ANKS1B: variants seen among roughly 807,000 people sequenced by gnomAD.
ANKS1B encodes ankyrin repeat and sterile alpha motif domain-containing protein 1B.
A neutral mutation model predicts 148.3 loss-of-function variants in ANKS1B; 36 were observed. The ratio of observed to expected loss-of-function variants is 0.24; its 90% CI spans 0.19 to 0.32. ANKS1B has a LOEUF of 0.32. Among genes scored for constraint, ANKS1B ranks in the 10% least tolerant of loss-of-function variants. ANKS1B has a pLI of 1.00. For synonymous variants in ANKS1B, 542 were observed against 560.8 expected (o/e 0.97, Z 0.47); for missense variants, 1,157 against 1,542.6 (o/e 0.75, Z 4.19).
At chr12:99,248,793 T>C (rs1360238402) in intron 12 of ANKS1B, among the ~76,000 whole-genome samples, 1 of 152,182 alleles carries the variant, frequency 6.6e-6, no homozygotes, top group Non-Finnish European at 1.5e-5. Flanking sequence ...TGACATCCAT[T>C]GGCCTTGCAA....
chr12:99,702,413 T>C (rs1355233303), intron 8 of ANKS1B, among the ~76,000 whole-genome samples: 4 of 152,130 alleles, frequency 2.6e-5, no homozygotes, highest in Admixed American at 2.6e-4. Flanking sequence ...GTTGAGTTGT[T>C]TGAGTTCCTT....
chr12:99,271,036 G>T (rs1242847549), intron 12 of ANKS1B, among the ~76,000 whole-genome samples: 1 of 152,178 alleles, frequency 6.6e-6, no homozygotes, highest in African/African-American at 2.4e-5. Flanking sequence ...CTAATCTAAA[G>T]GATAAAGCCC....
At chr12:99,241,067 T>C (rs1471830794) in intron 14 of ANKS1B, among the ~76,000 whole-genome samples, 1 of 151,060 alleles carries the variant, frequency 6.6e-6, no homozygotes, top group Non-Finnish European at 1.5e-5. Flanking sequence ...TTGAAGGAGA[T>C]AGAGACACAA....
intron 9 of ANKS1B, among the ~76,000 whole-genome samples, chr12:99,634,630 A>T (rs549455960): frequency 6.6e-6 from 1 of 152,320 alleles, no homozygotes. Flanking sequence ...CTATTCTTCC[A>T]ATCAAAATCT....
intron 17 of ANKS1B, among the ~76,000 whole-genome samples, chr12:98,932,680 C>T (rs1229601869): frequency 6.6e-6 from 1 of 152,130 alleles, no homozygotes; most frequent in African/African-American, 2.4e-5. Context: ...TTATTACATA[C>T]TTGTTCCTGT....
intron 9 of ANKS1B, among the ~76,000 whole-genome samples, chr12:99,644,431 T>C (rs1023621355): frequency 3.3e-5 from 5 of 152,242 alleles, no homozygotes; most frequent in African/African-American, 1.2e-4. Flanking sequence ...ATAAACATTA[T>C]GTTTATGACA....
In ANKS1B at chr12:99,877,574, T is replaced by C. The variant is rs12579008; in HGVS notation, c.135-52185A>G. On this transcript the variant is annotated intron_variant, in intron 1 of 26. Coordinates refer to ENST00000683438, the MANE Select transcript of ANKS1B (RefSeq NM_001352186.2). Reference sequence around the variant, plus strand: ...TGCATGAGAGGTAAATTTATTTTCATACATTTGTCAGTCATCCTTGACTGA... The same window carrying C: ...TGCATGAGAGGTAAATTTATTTTCACACATTTGTCAGTCATCCTTGACTGA... Among the ~76,000 whole-genome samples, 258 of 152,374 alleles carry C rather than the reference T, an allele frequency of 1.7e-3. 9 individuals carry two copies. The East Asian group carries it at 0.042, about 25-fold the overall frequency.
At chr12:99,702,480 A>G (rs1015131182) in intron 8 of ANKS1B, among the ~76,000 whole-genome samples, 2 of 152,026 alleles carry the variant, frequency 1.3e-5, no homozygotes, top group African/African-American at 4.8e-5. Flanking sequence ...ATTGTCTCCC[A>G]TTCTGTGGGT....
intron 21 of ANKS1B, among the ~76,000 whole-genome samples, chr12:98,800,217 G>GAAAAAAAAA (rs770133422): frequency 2.3e-4 from 9 of 39,170 alleles, no homozygotes; most frequent in Non-Finnish European, 2.9e-4. Context: ...AGCAGAAAAT[G>GAAAAAAAAA]AAAAAAAAAA....
intron 10 of ANKS1B, 32 bp downstream of exon 10, chr12:99,504,444 G>A: frequency 6.3e-7 from 1 of 1,594,232 alleles, no homozygotes. Flanking sequence ...CAAGTAAATT[G>A]AATCAGGCCA....
intron 17 of ANKS1B, among the ~76,000 whole-genome samples, chr12:98,834,429 T>C (rs1194731292): frequency 6.6e-6 from 1 of 152,222 alleles, no homozygotes; most frequent in Non-Finnish European, 1.5e-5. Flanking sequence ...TTAGCTGCAG[T>C]AGGAATAACC....
chr12:99,496,718 T>C (rs2096607797), intron 10 of ANKS1B, among the ~76,000 whole-genome samples: 1 of 142,534 alleles, frequency 7.0e-6, no homozygotes, highest in South Asian at 2.2e-4. Flanking sequence ...CTAGTACATC[T>C]GATAATTTTT....
At chr12:99,380,809 T>C (rs977561046) in intron 12 of ANKS1B, among the ~76,000 whole-genome samples, 1 of 133,358 alleles carries the variant, frequency 7.5e-6, no homozygotes, top group African/African-American at 3.1e-5. Flanking sequence ...TCCTTTCTCA[T>C]GCTCCACAAC....
intron 1 of ANKS1B, among the ~76,000 whole-genome samples, chr12:99,959,589 T>G (rs1474443445): frequency 6.6e-6 from 1 of 152,210 alleles, no homozygotes; most frequent in East Asian, 1.9e-4. Flanking sequence ...ATTACTTTGC[T>G]TAAGCAGTCT....
rs144940896 is a variant in ANKS1B, at chr12:98,943,642, C to A, written c.2778+109515G>T. ...CTCTCTGGTTCCCTCTTTTCATTCC[C>A]CCTTCCACTTTCAAAGACCTTTGTG... is the stretch of plus-strand genomic sequence containing the variant. On this transcript the variant is annotated intron_variant, in intron 17 of 26. Coordinates refer to ENST00000683438, the MANE Select transcript of ANKS1B (RefSeq NM_001352186.2). 3.9e-3 allele frequency among the ~76,000 whole-genome samples: 596 copies of A among 152,262 alleles called. 3 individuals carry two copies. Among genetic ancestry groups the A allele is most frequent in the African/African-American group, 0.014 (561 of 41,536 alleles).
intron 1 of ANKS1B, among the ~76,000 whole-genome samples, chr12:99,852,680 C>T (rs1032139643): frequency 2.6e-5 from 4 of 152,168 alleles, no homozygotes; most frequent in Admixed American, 6.5e-5. Context: ...CCAAGAACTA[C>T]CATAGGAACA....
intron 16 of ANKS1B, among the ~76,000 whole-genome samples, chr12:99,078,195 A>G (rs2048467798): frequency 6.6e-6 from 1 of 152,190 alleles, no homozygotes; most frequent in African/African-American, 2.4e-5. Context: ...CCTAAAATTA[A>G]ATGACCACTT....
Position 99,569,887 on chromosome 12 carries a change from C to A in ANKS1B, c.1273-65246G>T, listed in dbSNP as rs11836519. Among the ~76,000 whole-genome samples the A allele has an allele frequency of 8.7e-3, 1,315 of 151,118 alleles. 25 individuals carry two copies. The highest frequency in any genetic ancestry group is 0.03 in the African/African-American group (1,252 of 41,136). Reference sequence around the variant, plus strand: ...CCTTCTAGAGGTGTTGATCTCAATGCCCTCCCTAATAAGCCCTCCGATATC... The same window carrying A: ...CCTTCTAGAGGTGTTGATCTCAATGACCTCCCTAATAAGCCCTCCGATATC... On this transcript the variant is annotated intron_variant, in intron 9 of 26. Transcript: ENST00000683438.
At chr12:99,201,348 G>A (rs1297463800) in intron 14 of ANKS1B, among the ~76,000 whole-genome samples, 1 of 151,798 alleles carries the variant, frequency 6.6e-6, no homozygotes, top group Non-Finnish European at 1.5e-5. Flanking sequence ...AGAAACTGAA[G>A]ATACAGTCAA....
Sources: gnomAD v4.1 joint callset for allele counts (sites outside exome capture counted in the v4.1 genomes callset) on GRCh38, gnomAD v4.1.1 for gene constraint, MANE v1.5 for transcripts, NCBI Gene and HGNC (gene_info 2026-07-23, HGNC 2026-07-21) for gene names.